The following TNR variants were observed in gnomAD, a reference collection of about 807,000 sequenced individuals.
The protein encoded by TNR is tenascin R.
A neutral mutation model predicts 150.4 loss-of-function variants in TNR; 45 were observed. The observed-to-expected ratio is 0.30, with a 90% CI of 0.24 to 0.38. The LOEUF (loss-of-function observed/expected upper bound fraction) is 0.38. Ranked by LOEUF, TNR falls within the 10% of genes least tolerant of loss-of-function variation. The pLI is 1.00. For missense variants in TNR, 1,544 were observed against 1,759.1 expected (o/e 0.88, Z 2.19); for synonymous variants, 687 against 678.4 (o/e 1.01, Z -0.20).
chr1:175,702,025 GAC>G (rs1458316118), intron 1 of TNR, among the ~76,000 whole-genome samples: 1 of 152,204 alleles, frequency 6.6e-6, no homozygotes, highest in Non-Finnish European at 1.5e-5. Flanking sequence ...TTTATTTACT[GAC>G]AGATTGATTA....
intron 18 of TNR, among the ~76,000 whole-genome samples, chr1:175,342,383 T>C (rs1240898719): frequency 6.6e-6 from 1 of 152,196 alleles, no homozygotes; most frequent in Non-Finnish European, 1.5e-5. Context: ...TCCAGACCTG[T>C]GCAAAAGTAC....
At chr1:175,541,552 C>A (rs1660499475) in intron 1 of TNR, among the ~76,000 whole-genome samples, 1 of 152,062 alleles carries the variant, frequency 6.6e-6, no homozygotes, top group African/African-American at 2.4e-5. Context: ...AATTAAAGAT[C>A]ATTTGTAACA....
chr1:175,371,771 A>G (rs1652116443), intron 9 of TNR, among the ~76,000 whole-genome samples: 1 of 152,158 alleles, frequency 6.6e-6, no homozygotes. Flanking sequence ...AAACTGATAC[A>G]TGATACAACT....
chr1:175,627,919 G>A (rs564695735), intron 1 of TNR, among the ~76,000 whole-genome samples: 11 of 152,262 alleles, frequency 7.2e-5, no homozygotes, highest in African/African-American at 1.9e-4. Flanking sequence ...TGTAAAAGCC[G>A]AAGAAGCCAG....
chr1:175,733,596 C>T (rs555239052), intron 1 of TNR, among the ~76,000 whole-genome samples: 27 of 152,274 alleles, frequency 1.8e-4, no homozygotes, highest in African/African-American at 6.5e-4. Context: ...GGGCATGGCA[C>T]ACTCTTGCTT....
intron 2 of TNR, among the ~76,000 whole-genome samples, chr1:175,512,235 T>C (rs764560371): frequency 3.3e-5 from 5 of 152,178 alleles, no homozygotes; most frequent in Non-Finnish European, 7.3e-5. Flanking sequence ...GGAGTTAAGA[T>C]CCGTGACCAT....
At chr1:175,689,640 T>A (rs1666300657) in intron 1 of TNR, among the ~76,000 whole-genome samples, 2 of 152,190 alleles carry the variant, frequency 1.3e-5, no homozygotes, top group Non-Finnish European at 2.9e-5. Context: ...CAGACATCAA[T>A]AACCTTGCCT....
At chr1:175,699,085 T>A (rs972614918) in intron 1 of TNR, among the ~76,000 whole-genome samples, 1 of 152,060 alleles carries the variant, frequency 6.6e-6, no homozygotes. Context: ...GGGGAAGTGA[T>A]AAGAAGTGGT....
At chr1:175,506,150 C>T (rs1658949387) in intron 2 of TNR, among the ~76,000 whole-genome samples, 1 of 152,214 alleles carries the variant, frequency 6.6e-6, no homozygotes, top group Admixed American at 6.5e-5. Context: ...CACTAGGCTG[C>T]TCTGGAAGGA....
chr1:175,422,212 C>T (rs1654783065), intron 2 of TNR, among the ~76,000 whole-genome samples: 1 of 152,214 alleles, frequency 6.6e-6, no homozygotes, highest in South Asian at 2.1e-4. Flanking sequence ...ATCTCCCTCT[C>T]TGAGCTCCAG....
intron 1 of TNR, among the ~76,000 whole-genome samples, chr1:175,673,180 GA>G (rs771597575): frequency 1.6e-4 from 24 of 152,336 alleles, no homozygotes; most frequent in Non-Finnish European, 2.1e-4. Flanking sequence ...CTCTTGGAGG[GA>G]AAGGCAGAAT....
At chr1:175,610,332 C>A (rs1164812708) in intron 1 of TNR, among the ~76,000 whole-genome samples, 1 of 152,218 alleles carries the variant, frequency 6.6e-6, no homozygotes, top group Admixed American at 6.5e-5. Flanking sequence ...CTCATGGATG[C>A]CCCTTTGTTT....
At chr1:175,574,803 A>G (rs1229382700) in intron 1 of TNR, among the ~76,000 whole-genome samples, 5 of 152,238 alleles carry the variant, frequency 3.3e-5, no homozygotes, top group Non-Finnish European at 5.9e-5. Context: ...ATGGTCACAG[A>G]GGCACGGAAG....
At chr1:175,346,227 T>C (rs983799479) in intron 18 of TNR, among the ~76,000 whole-genome samples, 5 of 152,172 alleles carry the variant, frequency 3.3e-5, no homozygotes, top group African/African-American at 1.2e-4. Flanking sequence ...TAAGAATGAT[T>C]AACTACTTGG....
At chr1:175,631,251 T>A (rs562054925) in intron 1 of TNR, among the ~76,000 whole-genome samples, 10 of 152,242 alleles carry the variant, frequency 6.6e-5, no homozygotes, top group Non-Finnish European at 1.2e-4. Context: ...GCCTTATTTG[T>A]TAAGATAAAA....
intron 2 of TNR, among the ~76,000 whole-genome samples, chr1:175,463,273 T>C (rs1656895795): frequency 6.6e-6 from 1 of 152,200 alleles, no homozygotes; most frequent in African/African-American, 2.4e-5. Flanking sequence ...TTTCCAGAGA[T>C]TTCAGCCCCT....
intron 1 of TNR, among the ~76,000 whole-genome samples, chr1:175,735,953 T>C (rs1323356309): frequency 6.6e-6 from 1 of 151,552 alleles, no homozygotes; most frequent in Non-Finnish European, 1.5e-5. Context: ...ACTAAAAGAG[T>C]AGGAGAAAAA....
chr1:175,397,389 T>G (rs1653484935), intron 4 of TNR, among the ~76,000 whole-genome samples: 1 of 152,188 alleles, frequency 6.6e-6, no homozygotes, highest in African/African-American at 2.4e-5. Context: ...AACGGGGCTT[T>G]TAAATTTTTT....
chr1:175,572,218 A>G (rs1273236945), intron 1 of TNR, among the ~76,000 whole-genome samples: 1 of 152,234 alleles, frequency 6.6e-6, no homozygotes, highest in Non-Finnish European at 1.5e-5. Flanking sequence ...CAGTTGGCTT[A>G]AAGAGTAGCC....
Sources: gnomAD v4.1 joint callset for allele counts (sites outside exome capture counted in the v4.1 genomes callset) on GRCh38, gnomAD v4.1.1 for gene constraint, MANE v1.5 for transcripts, NCBI Gene and HGNC (gene_info 2026-07-23, HGNC 2026-07-21) for gene names.